NAALAD2: variants seen among roughly 807,000 people sequenced by gnomAD.
NAALAD2 encodes N-acetylated alpha-linked acidic dipeptidase 2.
In NAALAD2, 89 loss-of-function variants were observed where a neutral mutation model predicts 95.6. That is an observed-to-expected ratio of 0.93 (90% CI 0.78 to 1.11). The LOEUF (loss-of-function observed/expected upper bound fraction) is 1.11. Ranked by LOEUF, NAALAD2 falls within the 50% of genes least tolerant of loss-of-function variation. The probability of loss-of-function intolerance (pLI) is 0.00; values close to 1 mark genes in which losing one functional copy is unlikely to be tolerated. For synonymous variants in NAALAD2, 264 were observed against 294.4 expected (o/e 0.90, Z 1.06); for missense variants, 894 against 872.4 (o/e 1.02, Z -0.31).
At chr11:90,134,054 C>G (rs1951398175), upstream of NAALAD2, among the ~76,000 whole-genome samples, 1 of 152,184 alleles carries the variant, frequency 6.6e-6, no homozygotes, top group African/African-American at 2.4e-5. Context: ...GCATTAAGAA[C>G]AGACTCTCAG....
intron 11 of NAALAD2, among the ~76,000 whole-genome samples, chr11:90,167,879 C>G (rs189531510): frequency 6.6e-6 from 1 of 152,100 alleles, no homozygotes; most frequent in African/African-American, 2.4e-5. Context: ...ACAGACCAAT[C>G]GGCTCTCTGT....
At chr11:90,152,202 C>A (rs960917187) in intron 5 of NAALAD2, 96 bp from the exon 6 acceptor site, 11 of 1,185,400 alleles carry the variant, frequency 9.3e-6, no homozygotes, top group Non-Finnish European at 1.3e-5. Context: ...AAGGCAGTGT[C>A]TAAATATCCT....
chr11:90,173,096 A>T (rs1193363109), intron 13 of NAALAD2, among the ~76,000 whole-genome samples: 1 of 152,102 alleles, frequency 6.6e-6, no homozygotes, highest in Non-Finnish European at 1.5e-5. Context: ...TTTTCACCAC[A>T]TGTCTCTGCT....
chr11:90,178,256 A>G (rs1952861150), intron 16 of NAALAD2, 139 bp downstream of exon 16: 2 of 915,590 alleles, frequency 2.2e-6, no homozygotes, highest in Non-Finnish European at 3.2e-6. Flanking sequence ...ACAAAAACTT[A>G]AAACAAACAC....
intron 13 of NAALAD2, among the ~76,000 whole-genome samples, chr11:90,171,538 T>C (rs10765262): frequency 0.39 from 59,345 of 151,928 alleles, 12,184 homozygotes; most frequent in African/African-American, 0.52. Context: ...AGATGATCCC[T>C]GGCCTTGATG....
At position 90,163,798 on chromosome 11, in the gene NAALAD2, T is replaced by C. The variant is rs1952363402; in HGVS notation, c.1278+181T>C. Reference sequence around the variant, plus strand: ...TCACATCAGTTTGGCAATAACCTTTTAGTACTAGACTGCAGACAGAGTTAT... The same window carrying C: ...TCACATCAGTTTGGCAATAACCTTTCAGTACTAGACTGCAGACAGAGTTAT... On this transcript the variant is annotated intron_variant, in intron 11 of 18. Transcript: ENST00000534061. The C allele has an allele frequency of 6.0e-6, 4 of 663,936 alleles. No individual in the cohort carries two copies. In the Admixed American group the frequency reaches 1.0e-4, roughly 17 times the overall value. The allele number at this position is 663,936 out of a possible 1,614,324, so 41.1% of individuals were successfully genotyped here.
intron 11 of NAALAD2, among the ~76,000 whole-genome samples, chr11:90,167,441 C>T (rs552827068): frequency 6.6e-6 from 1 of 152,314 alleles, no homozygotes; most frequent in South Asian, 2.1e-4. Flanking sequence ...GCCGCGGCCG[C>T]TGCACAGCCG....
chr11:90,182,925 A>C lies in NAALAD2; in HGVS notation c.1950A>C (p.Ala650=). 1 of 1,609,296 alleles carries C rather than the reference A, an allele frequency of 6.2e-7. No homozygotes were observed. Among genetic ancestry groups the C allele is most frequent in the Non-Finnish European group, 8.5e-7 (1 of 1,176,108 alleles). ...TATGTTCTTCTCGAAGTCCCATTGC[A>C]GTGAGAATGATGAATGACCAACTGA... ...LIQVDLNNPI[A]VRMMNDQLML... Residue 650 remains alanine (A), a synonymous_variant, in exon 18 of 19, where the codon GCA becomes GCC. Transcript: ENST00000534061.
intron 8 of NAALAD2, among the ~76,000 whole-genome samples, chr11:90,159,793 A>G (rs1048299661): frequency 2.6e-5 from 4 of 151,870 alleles, no homozygotes; most frequent in Non-Finnish European, 5.9e-5. Flanking sequence ...TCTACTAAAA[A>G]TACAAAAATT....
chr11:90,158,104 A>G, intron 6 of NAALAD2, 41 bp from the exon 7 acceptor site: 1 of 1,420,012 alleles, frequency 7.0e-7, no homozygotes, highest in Non-Finnish European at 9.9e-7. Context: ...TCTTGCTCAG[A>G]TTTTTAAATT....
chr11:90,138,725 C>CTTTTTTTTTTTTTTTTTTTTTTTT (rs562496549), intron 2 of NAALAD2, among the ~76,000 whole-genome samples: 2 of 61,528 alleles, frequency 3.3e-5, no homozygotes, highest in Non-Finnish European at 6.4e-5. Context: ...CATCCCTCAA[C>CTTTTTTTTTTTTTTTTTTTTTTTT]TTTTTTTTTT....
intron 1 of NAALAD2, 112 bp downstream of exon 1, chr11:90,134,952 C>A: frequency 8.3e-7 from 1 of 1,207,008 alleles, no homozygotes; most frequent in Non-Finnish European, 1.2e-6. Flanking sequence ...CCCTGGCCGG[C>A]TGGGCTAGAT....
chr11:90,162,789 TAAC>T, intron 8 of NAALAD2, 157 bp from the exon 9 acceptor site: 3 of 471,662 alleles, frequency 6.4e-6, no homozygotes, highest in Non-Finnish European at 1.1e-5. Context: ...TCAACAGTGT[TAAC>T]AATTATTGAA....
intron 11 of NAALAD2, among the ~76,000 whole-genome samples, chr11:90,167,311 G>A (rs541391595): frequency 1.3e-5 from 2 of 152,222 alleles, no homozygotes; most frequent in Non-Finnish European, 2.9e-5. Context: ...GCCCGGGGCA[G>A]TAAGGGGCTT....
Position 90,134,837 on chromosome 11 carries a change from G to T in NAALAD2, c.79G>T (p.Val27Leu), listed in dbSNP as rs1293006941. 6.2e-7 allele frequency: 1 copy of T among 1,614,022 alleles called. No homozygotes were observed. Among genetic ancestry groups the T allele is most frequent in the East Asian group, 2.2e-5 (1 of 44,876 alleles). Residue 27 changes from valine to leucine, a missense_variant, in exon 1 of 19, where the codon GTG (valine) becomes TTG (leucine). By Grantham distance (32) the Val-to-Leu change is conservative. Coordinates refer to ENST00000534061, the MANE Select transcript of NAALAD2 (RefSeq NM_005467.4). ...GGCATCTTTCCTGATGGGATTTATGGTGGGTAAGTGAACAAAACACTCTAC... is the reference window on the plus strand; with the variant it reads ...GGCATCTTTCCTGATGGGATTTATGTTGGGTAAGTGAACAAAACACTCTAC... ...ALASFLMGFMVGWFIKPLKET... is the reference protein window; with the variant it reads ...ALASFLMGFMLGWFIKPLKET...
chr11:90,187,689 C>CT (rs1216568240), intron 18 of NAALAD2, among the ~76,000 whole-genome samples: 1 of 152,106 alleles, frequency 6.6e-6, no homozygotes, highest in Admixed American at 6.6e-5. Flanking sequence ...TATAAAACCT[C>CT]TAAGAGTAAA....
At chr11:90,133,030 C>T (rs1475501442), upstream of NAALAD2, among the ~76,000 whole-genome samples, 4 of 152,046 alleles carry the variant, frequency 2.6e-5, no homozygotes, top group Non-Finnish European at 5.9e-5. Context: ...ATTAGGCATA[C>T]CTATCAACAA....
intron 11 of NAALAD2, 65 bp downstream of exon 11, chr11:90,163,682 T>G: frequency 7.3e-7 from 1 of 1,379,194 alleles, no homozygotes; most frequent in Non-Finnish European, 1.0e-6. Context: ...TGTATGTGTC[T>G]CAGGATGATC....
chr11:90,174,103 G>A (rs1235733329), intron 14 of NAALAD2, among the ~76,000 whole-genome samples, 188 bp downstream of exon 14: 2 of 152,204 alleles, frequency 1.3e-5, no homozygotes, highest in Non-Finnish European at 2.9e-5. Context: ...AGGCCGAGGC[G>A]GGTGGATCAC....
Sources: allele counts gnomAD v4.1 joint callset (sites outside exome capture counted in the v4.1 genomes callset), GRCh38; gene constraint gnomAD v4.1.1; transcripts MANE v1.5; gene names NCBI Gene and HGNC (gene_info 2026-07-23, HGNC 2026-07-21).